The following PRKCE variants were observed in gnomAD, a reference collection of about 807,000 sequenced individuals.
PRKCE encodes the protein protein kinase C epsilon.
In PRKCE, 16 loss-of-function variants were observed where a neutral mutation model predicts 85.4. That is an observed-to-expected ratio of 0.19 (90% CI 0.13 to 0.28). PRKCE has a LOEUF of 0.28. Among genes scored for constraint, PRKCE ranks in the 10% least tolerant of loss-of-function variants. PRKCE has a pLI of 1.00. For missense variants in PRKCE, 573 were observed against 975.2 expected, an observed-to-expected ratio of 0.59 and a Z score of 5.49; for synonymous variants, 388 against 371.5, an observed-to-expected ratio of 1.04 and a Z score of -0.51.
At chr2:45,910,453 G>A (rs1697303671) in intron 2 of PRKCE, among the ~76,000 whole-genome samples, 1 of 152,198 alleles carries the variant, frequency 6.6e-6, no homozygotes, top group African/African-American at 2.4e-5. Context: ...TACTTTGGGG[G>A]TGTGAGTTGC....
Position 46,004,938 on chromosome 2 carries a change from T to G in PRKCE, c.1063+300T>G, listed in dbSNP as rs1342189957. 1.3e-5 allele frequency among the ~76,000 whole-genome samples: 2 copies of G among 152,166 alleles called. No homozygotes were observed. The highest frequency in any genetic ancestry group is 4.8e-5 in the African/African-American group (2 of 41,418). ...CCTTGCCTCTGTCCCTGGTTCCAAG[T>G]GTACTGCAGAGAGAAGGGTACAGCT... On this transcript the variant is annotated intron_variant, in intron 8 of 14. Transcript: ENST00000306156. This position sits in a 1 kb window ranked among gnomAD's most constrained non-coding sequence, Gnocchi z 4.1.
intron 2 of PRKCE, among the ~76,000 whole-genome samples, chr2:45,924,791 A>G (rs954793668): frequency 1.3e-5 from 2 of 152,248 alleles, no homozygotes; most frequent in African/African-American, 4.8e-5. Context: ...TTGCATGGAA[A>G]TTAATTCATG....
At chr2:45,782,578 C>A (rs1686276299) in intron 1 of PRKCE, among the ~76,000 whole-genome samples, 1 of 152,118 alleles carries the variant, frequency 6.6e-6, no homozygotes, top group African/African-American at 2.4e-5. Flanking sequence ...AGAGGATGGG[C>A]AAGACCTAAG....
intron 6 of PRKCE, among the ~76,000 whole-genome samples, chr2:45,990,681 G>A (rs1703721455): frequency 6.7e-6 from 1 of 148,384 alleles, no homozygotes; most frequent in Admixed American, 6.7e-5. Context: ...TTGAGATGGA[G>A]TCTCGCTCTG....
chr2:45,809,210 G>T (rs1688475487), intron 1 of PRKCE, among the ~76,000 whole-genome samples: 1 of 152,108 alleles, frequency 6.6e-6, no homozygotes, highest in Non-Finnish European at 1.5e-5. Flanking sequence ...ATCCTCCCAG[G>T]AACAAGAGGG....
chr2:46,148,271 C>A (rs960888450), intron 12 of PRKCE, among the ~76,000 whole-genome samples: 1 of 152,242 alleles, frequency 6.6e-6, no homozygotes, highest in African/African-American at 2.4e-5. Context: ...CTCCAGGTGA[C>A]TTCCCGTGAC....
intron 1 of PRKCE, among the ~76,000 whole-genome samples, chr2:45,832,656 C>G (rs186146384): frequency 3.9e-5 from 6 of 152,290 alleles, no homozygotes; most frequent in Admixed American, 2.0e-4. Flanking sequence ...TCCATGACAG[C>G]TCACAACGTG....
intron 5 of PRKCE, among the ~76,000 whole-genome samples, chr2:45,981,909 A>G (rs116333181): frequency 1.3e-5 from 2 of 152,326 alleles, no homozygotes; most frequent in African/African-American, 2.4e-5. Flanking sequence ...GAAAGGTCCG[A>G]TAAGAGTCCA....
Position 46,104,327 on chromosome 2 carries a change from A to G in PRKCE, c.1592+17965A>G, listed in dbSNP as rs182025677. The stretch of plus-strand genomic sequence containing the variant: ...TTTTTTTTTTTTTGCCATATCTGCA[A>G]TCTCTTTCATGATTTTCTTGATTGG... On this transcript the variant is annotated intron_variant, in intron 11 of 14. Transcript: ENST00000306156. 2.4e-3 allele frequency among the ~76,000 whole-genome samples: 324 copies of G among 134,750 alleles called. 2 individuals are homozygous for G. Among genetic ancestry groups the G allele is most frequent in the African/African-American group, 8.9e-3 (307 of 34,602 alleles). 88.4% of individuals were successfully genotyped at this position (134,750 alleles called of 152,430 possible).
intron 11 of PRKCE, among the ~76,000 whole-genome samples, chr2:46,098,801 G>A (rs1670941408): frequency 6.6e-6 from 1 of 152,008 alleles, no homozygotes; most frequent in Non-Finnish European, 1.5e-5. Context: ...CTAAAAATGA[G>A]AATTGTTTCA....
chr2:45,862,592 G>A (rs1693255267), intron 2 of PRKCE, among the ~76,000 whole-genome samples: 1 of 152,184 alleles, frequency 6.6e-6, no homozygotes, highest in Non-Finnish European at 1.5e-5. Context: ...GGTTTTCTGT[G>A]TCCCTGGAGC....
intron 14 of PRKCE, among the ~76,000 whole-genome samples, chr2:46,160,595 T>C (rs1186164256): frequency 1.3e-5 from 2 of 151,736 alleles, no homozygotes; most frequent in South Asian, 2.1e-4. Context: ...GGGTGTGCAA[T>C]GTAAGAGTTT....
chr2:45,893,092 T>G (rs1426738073), intron 2 of PRKCE, among the ~76,000 whole-genome samples: 2 of 152,144 alleles, frequency 1.3e-5, no homozygotes, highest in African/African-American at 4.8e-5. Context: ...GCAGGCCATA[T>G]TCACAGCAAA....
In PRKCE at chr2:46,185,274, A is replaced by G; in HGVS notation, c.*393A>G. 1 of 179,578 alleles carries G rather than the reference A, an allele frequency of 5.6e-6. No individual in the cohort carries two copies. Among genetic ancestry groups the G allele is most frequent in the Non-Finnish European group, 1.2e-5 (1 of 85,546 alleles). 11.1% of individuals were successfully genotyped at this position (179,578 alleles called of 1,614,324 possible). A position where few individuals can be genotyped will look rare whatever the true frequency, so the allele number is the denominator to read the frequency against. ...ACTCCGGCTCTGCTATCGGACACAG[A>G]TCCTGATCCCTCTTGCTTCTTTTCC... On this transcript the variant is annotated 3_prime_UTR_variant, in exon 15 of 15. Coordinates refer to ENST00000306156, the MANE Select transcript of PRKCE (RefSeq NM_005400.3). This position sits in a 1 kb window ranked among gnomAD's most constrained non-coding sequence, Gnocchi z 4.7.
At chr2:45,778,100 A>G in intron 1 of PRKCE, among the ~76,000 whole-genome samples, 1 of 136,596 alleles carries the variant, frequency 7.3e-6, no homozygotes, top group African/African-American at 2.6e-5. Context: ...AGCATTGAGG[A>G]AGAGTAAGGG....
intron 1 of PRKCE, among the ~76,000 whole-genome samples, chr2:45,753,617 G>T (rs1053308270): frequency 6.6e-6 from 1 of 152,132 alleles, no homozygotes; most frequent in African/African-American, 2.4e-5. Flanking sequence ...TGTGTTTGCA[G>T]ATCGGCTGCT....
chr2:45,890,534 C>T (rs1695647710), intron 2 of PRKCE, among the ~76,000 whole-genome samples: 1 of 151,964 alleles, frequency 6.6e-6, no homozygotes, highest in Non-Finnish European at 1.5e-5. Flanking sequence ...CGCCCACCAC[C>T]ACACCTGGCT....
intron 1 of PRKCE, among the ~76,000 whole-genome samples, chr2:45,783,040 TC>T (rs768407937): frequency 1.5e-4 from 23 of 152,182 alleles, no homozygotes; most frequent in Non-Finnish European, 3.2e-4. Flanking sequence ...TCATGCGCCT[TC>T]CCCGTCCAAA....
intron 2 of PRKCE, among the ~76,000 whole-genome samples, chr2:45,876,474 T>C (rs1395169337): frequency 6.6e-6 from 1 of 152,258 alleles, no homozygotes; most frequent in East Asian, 1.9e-4. Flanking sequence ...TTGCAACTTG[T>C]GGTCATACAC....
Sources: gnomAD v4.1 joint callset for allele counts (sites outside exome capture counted in the v4.1 genomes callset) on GRCh38, gnomAD v4.1.1 for gene constraint, Gnocchi (gnomAD v3.1) non-coding constraint, MANE v1.5 for transcripts, NCBI Gene and HGNC (gene_info 2026-07-23, HGNC 2026-07-21) for gene names.